Variants in TAFA4 observed in about 807,000 individuals in gnomAD.
The protein encoded by TAFA4 is TAFA chemokine like family member 4, also known as chemokine-like protein TAFA-4.
In TAFA4, 20 loss-of-function variants were observed where a neutral mutation model predicts 21.1. That is an observed-to-expected ratio of 0.95 (90% confidence interval 0.67 to 1.38). The LOEUF (loss-of-function observed/expected upper bound fraction) is 1.38. Ranked by LOEUF, TAFA4 falls within the 40% of genes most tolerant of loss-of-function variation. TAFA4 has a pLI of 0.00. For synonymous variants in TAFA4, 71 were observed against 67.4 expected (o/e 1.05, Z -0.26); for missense variants, 211 against 180.9 (o/e 1.17, Z -0.95).
At chr3:68,794,660 T>G (rs770771831) in intron 3 of TAFA4, among the ~76,000 whole-genome samples, 2 of 152,168 alleles carry the variant, frequency 1.3e-5, no homozygotes, top group Non-Finnish European at 2.9e-5. Flanking sequence ...GATGTCACAG[T>G]TGGCATCCCT....
intron 1 of TAFA4, among the ~76,000 whole-genome samples, chr3:68,905,461 C>G (rs1001741140): frequency 1.3e-5 from 2 of 152,106 alleles, no homozygotes; most frequent in Non-Finnish European, 2.9e-5. Flanking sequence ...AGCCACTGCG[C>G]CCGGCCGGTC....
chr3:68,829,083 A>G (rs946561414), intron 3 of TAFA4, among the ~76,000 whole-genome samples: 4 of 152,230 alleles, frequency 2.6e-5, no homozygotes, highest in Admixed American at 1.3e-4. Flanking sequence ...AAGAGCCTGT[A>G]TAGCCAAGAC....
At chr3:68,852,078 C>A (rs1186084835) in intron 3 of TAFA4, among the ~76,000 whole-genome samples, 2 of 152,040 alleles carry the variant, frequency 1.3e-5, no homozygotes, top group East Asian at 1.9e-4. Flanking sequence ...ACAGTCCCTA[C>A]CTGAAGTCTT....
intron 3 of TAFA4, among the ~76,000 whole-genome samples, chr3:68,877,115 T>C (rs112210183): frequency 7.9e-5 from 12 of 152,078 alleles, no homozygotes; most frequent in African/African-American, 2.7e-4. Context: ...TCCCAGCACT[T>C]TGGGAGGCCG....
chr3:68,847,974 C>T (rs1305400261), intron 3 of TAFA4, among the ~76,000 whole-genome samples: 1 of 152,180 alleles, frequency 6.6e-6, no homozygotes, highest in African/African-American at 2.4e-5. Flanking sequence ...GAACAGCTCT[C>T]AAAAAGATAA....
At chr3:68,763,298 A>G (rs1258620587) in intron 3 of TAFA4, among the ~76,000 whole-genome samples, 3 of 152,210 alleles carry the variant, frequency 2.0e-5, no homozygotes, top group Admixed American at 2.0e-4. Flanking sequence ...ATATTAGACT[A>G]TATTACATTA....
intron 3 of TAFA4, among the ~76,000 whole-genome samples, chr3:68,791,115 C>T (rs1350855393): frequency 6.6e-6 from 1 of 152,160 alleles, no homozygotes; most frequent in East Asian, 1.9e-4. Flanking sequence ...CCACACATGG[C>T]CCTGGGGCAC....
intron 1 of TAFA4, among the ~76,000 whole-genome samples, chr3:68,886,241 A>C (rs2089671402): frequency 6.6e-6 from 1 of 152,228 alleles, no homozygotes; most frequent in Non-Finnish European, 1.5e-5. Flanking sequence ...ATTAGAGAAC[A>C]CTTTCGGTGA....
In TAFA4 at chr3:68,771,853, G is replaced by A. The variant is rs76298031; in HGVS notation, c.131-18835C>T. 1.6e-4 allele frequency among the ~76,000 whole-genome samples: 25 copies of A among 152,292 alleles called. No individual in the cohort carries two copies. In the East Asian group the frequency reaches 4.8e-3, roughly 29 times the overall value. Reference sequence around the variant, plus strand: ...ACCAAAATTGTGTGTTACCAAACCTGCTTACATCATTTGTAGTAGCTGGAA... The same window carrying A: ...ACCAAAATTGTGTGTTACCAAACCTACTTACATCATTTGTAGTAGCTGGAA... On this transcript the variant is annotated intron_variant, in intron 3 of 5. Coordinates refer to ENST00000295569, the MANE Select transcript of TAFA4 (RefSeq NM_182522.5).
At chr3:68,809,882 G>A (rs1355899568) in intron 3 of TAFA4, among the ~76,000 whole-genome samples, 1 of 152,112 alleles carries the variant, frequency 6.6e-6, no homozygotes, top group Admixed American at 6.5e-5. Flanking sequence ...GTAAATGTGT[G>A]GATTTATTTC....
At chr3:68,802,779 C>T (rs367805159) in intron 3 of TAFA4, among the ~76,000 whole-genome samples, 72 of 152,248 alleles carry the variant, frequency 4.7e-4, no homozygotes, top group African/African-American at 1.5e-3. Context: ...ATAGAACATC[C>T]GAGAAATCAC....
At chr3:68,738,091 A>G (rs1313491030) in intron 5 of TAFA4, among the ~76,000 whole-genome samples, 1 of 152,214 alleles carries the variant, frequency 6.6e-6, no homozygotes, top group Non-Finnish European at 1.5e-5. Flanking sequence ...AAATGTAACC[A>G]TAATAAATGC....
intron 1 of TAFA4, among the ~76,000 whole-genome samples, chr3:68,898,825 A>G (rs929694408): frequency 1.2e-4 from 18 of 152,164 alleles, no homozygotes; most frequent in African/African-American, 4.1e-4. Context: ...TACTTACCCA[A>G]GTATACAATA....
rs537855267 is a variant in TAFA4 at position 68,785,367 on chromosome 3, C to T, written c.131-32349G>A. On this transcript the variant is annotated intron_variant, in intron 3 of 5. Coordinates refer to ENST00000295569, the MANE Select transcript of TAFA4 (RefSeq NM_182522.5). The stretch of plus-strand genomic sequence containing the variant: ...ACTGGGCGCCTGGAGCAGGGGGCTG[C>T]GCTCTCGTCGGGGAGGCTCAGGCTG... Among the ~76,000 whole-genome samples, 6 of 152,344 alleles carry T rather than the reference C, an allele frequency of 3.9e-5. No homozygotes were observed. The East Asian group carries it at 7.7e-4, about 20-fold the overall frequency.
chr3:68,873,645 A>C (rs2089514753), intron 3 of TAFA4, among the ~76,000 whole-genome samples: 1 of 152,154 alleles, frequency 6.6e-6, no homozygotes. Flanking sequence ...GGAGGGCAGA[A>C]AACAGCAACA....
intron 1 of TAFA4, 39 bp from the exon 2 acceptor site, chr3:68,885,349 A>G: frequency 1.7e-6 from 1 of 602,992 alleles, no homozygotes; most frequent in Non-Finnish European, 2.9e-6. Flanking sequence ...GGAATCAATT[A>G]GCATTTTAAT....
chr3:68,771,448 C>T (rs1411381159), intron 3 of TAFA4, among the ~76,000 whole-genome samples: 1 of 152,226 alleles, frequency 6.6e-6, no homozygotes, highest in African/African-American at 2.4e-5. Context: ...CTGCATGCTC[C>T]CCTTTGGGGT....
intron 1 of TAFA4, among the ~76,000 whole-genome samples, chr3:68,885,667 G>A (rs2089664869): frequency 6.6e-6 from 1 of 152,174 alleles, no homozygotes; most frequent in African/African-American, 2.4e-5. Flanking sequence ...TAGAGATAAT[G>A]CATTCCCAAG....
chr3:68,884,379 T>C (rs972698186), intron 2 of TAFA4, among the ~76,000 whole-genome samples: 3 of 152,202 alleles, frequency 2.0e-5, no homozygotes, highest in African/African-American at 7.2e-5. Flanking sequence ...TGGCCATCTC[T>C]CCACCATGGC....
Sources: allele counts gnomAD v4.1 joint callset (sites outside exome capture counted in the v4.1 genomes callset), GRCh38; gene constraint gnomAD v4.1.1; transcripts MANE v1.5; gene names NCBI Gene and HGNC (gene_info 2026-07-23, HGNC 2026-07-21).